Variants in TAS2R1 observed in about 807,000 individuals in gnomAD.
TAS2R1 encodes the protein taste receptor type 2 member 1.
For missense variants in TAS2R1, 370 were observed against 353.4 expected, an observed-to-expected ratio of 1.05 and a Z score of -0.38; for synonymous variants, 141 against 134.2, an observed-to-expected ratio of 1.05 and a Z score of -0.35.
chr5:9,822,027 A>G, the TAS2R1 span, among the ~76,000 whole-genome samples: 1 of 152,230 alleles, frequency 6.6e-6, no homozygotes, highest in Non-Finnish European at 1.5e-5. Flanking sequence ...CTCTGTGGTC[A>G]TGACCACTGC....
chr5:9,755,846 G>A, the TAS2R1 span, among the ~76,000 whole-genome samples: 7 of 152,184 alleles, frequency 4.6e-5, no homozygotes, highest in Admixed American at 3.9e-4. Flanking sequence ...CATGGCACTG[G>A]TGGGAGTGTA....
At chr5:9,699,174 C>T (rs1741425050) in intron 1 of TAS2R1, among the ~76,000 whole-genome samples, 1 of 152,180 alleles carries the variant, frequency 6.6e-6, no homozygotes, top group South Asian at 2.1e-4. Context: ...AATTCGTTCT[C>T]ACAGTTGCCT....
the TAS2R1 span, among the ~76,000 whole-genome samples, chr5:9,876,794 A>G: frequency 6.6e-6 from 1 of 152,242 alleles, no homozygotes; most frequent in Non-Finnish European, 1.5e-5. Flanking sequence ...CAGAAGAAAC[A>G]TCAGGAGTGG....
chr5:9,818,062 A>C, the TAS2R1 span, among the ~76,000 whole-genome samples: 1 of 152,204 alleles, frequency 6.6e-6, no homozygotes, highest in Non-Finnish European at 1.5e-5. Context: ...AGGACACAGA[A>C]CCAAACCATA....
chr5:9,673,946 C>T (rs1171689521), intron 1 of TAS2R1, among the ~76,000 whole-genome samples: 1 of 152,136 alleles, frequency 6.6e-6, no homozygotes, highest in East Asian at 1.9e-4. Flanking sequence ...CATTGGCTCC[C>T]ACCCAATGCT....
chr5:9,787,831 T>A, the TAS2R1 span, among the ~76,000 whole-genome samples: 1 of 152,234 alleles, frequency 6.6e-6, no homozygotes, highest in African/African-American at 2.4e-5. Flanking sequence ...TTCTGCCACA[T>A]ACAGCACATG....
the TAS2R1 span, among the ~76,000 whole-genome samples, chr5:9,816,992 T>C: frequency 0.056 from 8,572 of 152,310 alleles, 248 homozygotes; most frequent in East Asian, 0.11. Context: ...GGTAGTATTT[T>C]TATAATAAAA....
At chr5:9,797,737 G>A in the TAS2R1 span, among the ~76,000 whole-genome samples, 9 of 152,040 alleles carry the variant, frequency 5.9e-5, no homozygotes, top group African/African-American at 9.7e-5. Context: ...GTTGACTTAC[G>A]TAGCAGGCTG....
At chr5:9,873,595 G>A in the TAS2R1 span, among the ~76,000 whole-genome samples, 13 of 151,960 alleles carry the variant, frequency 8.6e-5, no homozygotes, top group East Asian at 9.7e-4. Context: ...CGCTGGGCTC[G>A]GTGGCTCACA....
the TAS2R1 span, among the ~76,000 whole-genome samples, chr5:9,881,575 G>C: frequency 6.6e-6 from 1 of 152,144 alleles, no homozygotes; most frequent in Non-Finnish European, 1.5e-5. Context: ...AGAGAACAAA[G>C]CTGGAAGTAT....
chr5:9,783,498 A>G, the TAS2R1 span, among the ~76,000 whole-genome samples: 1 of 152,108 alleles, frequency 6.6e-6, no homozygotes. Flanking sequence ...TTCTACTTAA[A>G]CACCTTTGGA....
At chr5:9,703,243 G>C (rs1741529444) in intron 1 of TAS2R1, among the ~76,000 whole-genome samples, 1 of 152,160 alleles carries the variant, frequency 6.6e-6, no homozygotes, top group Admixed American at 6.5e-5. Context: ...GCCATGGCTT[G>C]TCACTGTCAG....
intron 1 of TAS2R1, among the ~76,000 whole-genome samples, chr5:9,711,441 T>C (rs1236395540): frequency 6.6e-6 from 1 of 152,170 alleles, no homozygotes; most frequent in Non-Finnish European, 1.5e-5. Flanking sequence ...TGATTTCAGT[T>C]ATATGAGGTA....
the TAS2R1 span, among the ~76,000 whole-genome samples, chr5:9,827,808 T>C: frequency 1.3e-5 from 2 of 152,078 alleles, no homozygotes; most frequent in Non-Finnish European, 2.9e-5. Context: ...AAAATACAAA[T>C]TAAGTATCAG....
At chr5:9,647,996 G>A (rs1740227612) in intron 2 of TAS2R1, among the ~76,000 whole-genome samples, 1 of 152,040 alleles carries the variant, frequency 6.6e-6, no homozygotes, top group Non-Finnish European at 1.5e-5. Flanking sequence ...TTCCTCCTAA[G>A]AATTCACATA....
the TAS2R1 span, among the ~76,000 whole-genome samples, chr5:9,782,882 T>G: frequency 0.73 from 111,461 of 152,044 alleles, 41,085 homozygotes; most frequent in East Asian, 0.81. Context: ...TTTACAAGCT[T>G]CAGTAAAACC....
the TAS2R1 span, among the ~76,000 whole-genome samples, chr5:9,813,919 AATCTCTTCCAAG>A: frequency 6.6e-6 from 1 of 152,196 alleles, no homozygotes; most frequent in Non-Finnish European, 1.5e-5. Context: ...CCATTCAAAG[AATCTCTTCCAAG>A]ATTTTTCCTT....
At chr5:9,801,766 A>G in the TAS2R1 span, among the ~76,000 whole-genome samples, 2 of 152,092 alleles carry the variant, frequency 1.3e-5, no homozygotes, top group Admixed American at 6.5e-5. Flanking sequence ...TGGCTTTCCC[A>G]CACTTTCCTG....
At chr5:9,688,909 G>A (rs979055718) in intron 1 of TAS2R1, among the ~76,000 whole-genome samples, 1 of 152,136 alleles carries the variant, frequency 6.6e-6, no homozygotes, top group African/African-American at 2.4e-5. Context: ...TCTGCTTGGG[G>A]ACTGGCTGCT....
Sources: allele counts gnomAD v4.1 joint callset (sites outside exome capture counted in the v4.1 genomes callset), GRCh38; gene constraint gnomAD v4.1.1; transcripts MANE v1.5; gene names NCBI Gene and HGNC (gene_info 2026-07-23, HGNC 2026-07-21).